Variants in DUSP4 observed in about 807,000 individuals in gnomAD.
DUSP4 encodes dual specificity protein phosphatase 4.
Under a neutral mutation model 27.2 loss-of-function variants are expected in DUSP4, and 12 were observed. That is an observed-to-expected ratio of 0.44 (90% CI 0.28 to 0.71). The LOEUF (loss-of-function observed/expected upper bound fraction) is 0.71, where lower values mean the gene tolerates loss of function less well. Ranked by LOEUF, DUSP4 falls within the 30% of genes least tolerant of loss-of-function variation. DUSP4 has a pLI of 0.14. For missense variants in DUSP4, 448 were observed against 551.3 expected (o/e 0.81, Z 1.88); for synonymous variants, 257 against 245.2 (o/e 1.05, Z -0.45).
At position 29,336,197 on chromosome 8, in the gene DUSP4, T is replaced by C. The variant is rs989131306; in HGVS notation, c.*829A>G. 5 of 150,276 alleles carry C rather than the reference T, an allele frequency of 3.3e-5. No individual in the cohort carries two copies. Among genetic ancestry groups the C allele is most frequent in the Non-Finnish European group, 7.4e-5 (5 of 67,844 alleles). 9.3% of individuals were successfully genotyped at this position (150,276 alleles called of 1,614,324 possible). On this transcript the variant is annotated 3_prime_UTR_variant, in exon 4 of 4. Coordinates refer to ENST00000240100, the MANE Select transcript of DUSP4 (RefSeq NM_001394.7). ...GAGCCTTGGCAACATAGTGAGATGC[T>C]GTCTTTTTCTTTTCTTTTTTTTTTA... is the stretch of plus-strand genomic sequence containing the variant.
At chr8:29,338,953 A>T (rs1403052848) in intron 2 of DUSP4, among the ~76,000 whole-genome samples, 2 of 152,218 alleles carry the variant, frequency 1.3e-5, no homozygotes, top group African/African-American at 4.8e-5. Context: ...GCACTTTAGG[A>T]GGCTGAGGTG....
rs753204627 is a variant in DUSP4 at position 29,345,506 on chromosome 8, G to T, written c.433+4340C>A. The T allele has an allele frequency of 2.5e-6, 4 of 1,586,094 alleles. No homozygotes were observed. The African/African-American group carries it at 5.5e-5, about 22-fold the overall frequency. On this transcript the variant is annotated intron_variant, in intron 1 of 3. Transcript: ENST00000240100. Reference sequence around the variant, plus strand: ...TGCTATGTTCAGCAAACTGGCTTCCGTTGGAGTGAACTTTTCTTCCCATCG... The same window carrying T: ...TGCTATGTTCAGCAAACTGGCTTCCTTTGGAGTGAACTTTTCTTCCCATCG...
intron 2 of DUSP4, 93 bp downstream of exon 2, chr8:29,340,005 C>CA (rs1444155118): frequency 2.5e-5 from 37 of 1,466,690 alleles, no homozygotes; most frequent in Non-Finnish European, 2.9e-5. Flanking sequence ...AAAGCAAAGA[C>CA]AAAAAACACC....
chr8:29,335,722 C>T lies in DUSP4; in HGVS notation c.*1304G>A, dbSNP rs542956615. 15 of 152,348 alleles carry T rather than the reference C, an allele frequency of 9.8e-5. No homozygotes were observed. The highest frequency in any genetic ancestry group is 3.4e-3 in the Middle Eastern group (1 of 294). The allele number at this position is 152,348 out of a possible 1,614,324, so 9.4% of individuals were successfully genotyped here. ...AGGGTTATCTCTAGTTGTCTGGTTTCCCCAATGGCTGGCCTTGCCAAATGA... is the reference window on the plus strand; with the variant it reads ...AGGGTTATCTCTAGTTGTCTGGTTTTCCCAATGGCTGGCCTTGCCAAATGA... On this transcript the variant is annotated 3_prime_UTR_variant, in exon 4 of 4. Transcript: ENST00000240100.
At chr8:29,346,009 C>T (rs945624900) in intron 1 of DUSP4, 21 of 986,206 alleles carry the variant, frequency 2.1e-5, no homozygotes, top group Non-Finnish European at 2.4e-5. Context: ...TGACATCCCC[C>T]AGAGCTGTGC....
At chr8:29,342,210 G>T (rs1019243872) in intron 1 of DUSP4, among the ~76,000 whole-genome samples, 9 of 152,214 alleles carry the variant, frequency 5.9e-5, no homozygotes, top group African/African-American at 2.2e-4. Context: ...ATTGCTGAGG[G>T]TATGGAACAG....
At chr8:29,344,765 A>C (rs1288745982) in intron 1 of DUSP4, among the ~76,000 whole-genome samples, 1 of 152,092 alleles carries the variant, frequency 6.6e-6, no homozygotes, top group East Asian at 1.9e-4. Flanking sequence ...ATATCACCAT[A>C]ATAGGACTGT....
In DUSP4 at chr8:29,334,513, G is replaced by A. The variant is rs964448935; in HGVS notation, c.*2513C>T. ...TTGTGATAGAAGGCTTGAATTCGGAGGAAAGATGTCGCTGGAGCTAGTCCT... is the reference window on the plus strand; with the variant it reads ...TTGTGATAGAAGGCTTGAATTCGGAAGAAAGATGTCGCTGGAGCTAGTCCT... On this transcript the variant is annotated 3_prime_UTR_variant, in exon 4 of 4. Coordinates refer to ENST00000240100, the MANE Select transcript of DUSP4 (RefSeq NM_001394.7). 4 of 152,218 alleles carry A rather than the reference G, an allele frequency of 2.6e-5. No homozygotes were observed. In the East Asian group the frequency reaches 7.7e-4, roughly 29 times the overall value. 9.4% of individuals were successfully genotyped at this position (152,218 alleles called of 1,614,324 possible).
At position 29,337,470 on chromosome 8, in the gene DUSP4, G is replaced by T. The variant is rs1019511802; in HGVS notation, c.800-59C>A. On this transcript the variant is annotated intron_variant, in intron 3 of 3. Transcript: ENST00000240100. This position sits in a 1 kb window ranked among gnomAD's most constrained non-coding sequence, Gnocchi z 6.4. Reference sequence around the variant, plus strand: ...TCTGCAGACCCCAGCCCCGACCAGGGGCACCGGCCAGCCCCTGGGGTCGGG... The same window carrying T: ...TCTGCAGACCCCAGCCCCGACCAGGTGCACCGGCCAGCCCCTGGGGTCGGG... 2.0e-6 allele frequency: 3 copies of T among 1,524,150 alleles called. No individual in the cohort carries two copies. The highest frequency in any genetic ancestry group is 8.8e-7 in the Non-Finnish European group (1 of 1,141,670). 94.4% of individuals were successfully genotyped at this position (1,524,150 alleles called of 1,614,324 possible). A position where few individuals can be genotyped will look rare whatever the true frequency, so the allele number is the denominator to read the frequency against.
Position 29,350,243 on chromosome 8 carries a change from G to T in DUSP4, c.36C>A (p.Cys12Ter). 1 of 1,600,332 alleles carries T rather than the reference G, an allele frequency of 6.2e-7. No homozygotes were observed. ...GGTTCATCAGCCTTTTGAGCACACT[G>T]CAGTCCATCTCCCGCAGCTCCTCCA... The part of the protein sequence containing the change: ...VTMEELREMD[C>*]SVLKRLMNRD... Residue 12 changes from cysteine to a stop codon, truncating the protein, a stop_gained, in exon 1 of 4, where the codon TGC becomes TGA. Transcript: ENST00000240100. LOFTEE classifies it high-confidence loss of function.
At position 29,347,989 on chromosome 8, in the gene DUSP4, G is replaced by A. The variant is rs1029154821; in HGVS notation, c.433+1857C>T. On this transcript the variant is annotated intron_variant, in intron 1 of 3. Coordinates refer to ENST00000240100, the MANE Select transcript of DUSP4 (RefSeq NM_001394.7). Reference sequence around the variant, plus strand: ...CCCCGGGAGCGGGGCCTAAGTGGCTGCACCCCCGGAAGCCCAAGGGCCGAG... The same window carrying A: ...CCCCGGGAGCGGGGCCTAAGTGGCTACACCCCCGGAAGCCCAAGGGCCGAG... 10 of 985,542 alleles carry A rather than the reference G, an allele frequency of 1.0e-5. No homozygotes were observed. The African/African-American group carries it at 1.6e-4, about 15-fold the overall frequency. 61.0% of individuals were successfully genotyped at this position (985,542 alleles called of 1,614,324 possible).
At chr8:29,347,085 C>A (rs766561157) in intron 1 of DUSP4, among the ~76,000 whole-genome samples, 2 of 152,194 alleles carry the variant, frequency 1.3e-5, no homozygotes, top group Non-Finnish European at 2.9e-5. Context: ...GAAACAAATT[C>A]TCCAACCCTT....
chr8:29,345,610 C>T, intron 1 of DUSP4: 1 of 1,490,366 alleles, frequency 6.7e-7, no homozygotes, highest in Non-Finnish European at 8.9e-7. Context: ...GATTTTTTTT[C>T]AAGGAATTTC....
rs1474424761 is a variant in DUSP4, at chr8:29,350,094, A to T, written c.185T>A (p.Leu62Gln). ...GTTACAGCGCACGTTGACCGAACCT[A>T]GGATGTAGCCCGCGCTGTGCGCCAG... ...PFLAHSAGYI[L>Q]GSVNVRCNTI... The change falls in exon 1 of 4, where the codon CTA (leucine) becomes CAA (glutamine). Residue 62 changes from leucine (L) to glutamine (Q), a missense_variant. Leu to Gln is a moderately radical substitution (Grantham distance 113). Coordinates refer to ENST00000240100, the MANE Select transcript of DUSP4 (RefSeq NM_001394.7). 1 of 1,608,276 alleles carries T rather than the reference A, an allele frequency of 6.2e-7. No homozygotes were observed. The highest frequency in any genetic ancestry group is 8.5e-7 in the Non-Finnish European group (1 of 1,178,674).
chr8:29,343,616 A>G (rs113792289), intron 1 of DUSP4, among the ~76,000 whole-genome samples: 11 of 151,332 alleles, frequency 7.3e-5, no homozygotes, highest in Admixed American at 2.0e-4. Flanking sequence ...GCAAAAACAG[A>G]ACTGATCCAA....
intron 1 of DUSP4, among the ~76,000 whole-genome samples, chr8:29,347,066 C>T (rs1817746560): frequency 6.6e-6 from 1 of 152,142 alleles, no homozygotes; most frequent in African/African-American, 2.4e-5. Context: ...AAATGAATTA[C>T]TCCAGTAGGA....
chr8:29,339,857 T>C (rs1817631544), intron 2 of DUSP4, among the ~76,000 whole-genome samples: 1 of 120,420 alleles, frequency 8.3e-6, no homozygotes, highest in Non-Finnish European at 1.7e-5. Flanking sequence ...ACCAAAAACC[T>C]TTTAAAATTA....
chr8:29,348,836 G>A (rs1002752533), intron 1 of DUSP4: 6 of 983,478 alleles, frequency 6.1e-6, no homozygotes, highest in Non-Finnish European at 7.2e-6. Flanking sequence ...GACCCTACCC[G>A]CGCGGAAGAA....
chr8:29,342,649 G>T (rs1817671375), intron 1 of DUSP4, among the ~76,000 whole-genome samples: 1 of 152,184 alleles, frequency 6.6e-6, no homozygotes, highest in South Asian at 2.1e-4. Context: ...CAGAACCCTT[G>T]TCAGGGACCT....
Sources: gnomAD v4.1 joint callset for allele counts (sites outside exome capture counted in the v4.1 genomes callset) on GRCh38, gnomAD v4.1.1 for gene constraint, Gnocchi (gnomAD v3.1) non-coding constraint, MANE v1.5 for transcripts, NCBI Gene and HGNC (gene_info 2026-07-23, HGNC 2026-07-21) for gene names.